HDAC9: variants seen among roughly 807,000 people sequenced by gnomAD.
The protein encoded by HDAC9 is histone deacetylase 9.
Under a neutral mutation model 139.4 loss-of-function variants are expected in HDAC9, and 41 were observed. The ratio of observed to expected loss-of-function variants is 0.29; its 90% CI spans 0.23 to 0.38. The LOEUF (loss-of-function observed/expected upper bound fraction) is 0.38, where lower values mean the gene tolerates loss of function less well. Ranked by LOEUF, HDAC9 falls within the 10% of genes least tolerant of loss-of-function variation. The pLI, the probability that HDAC9 is intolerant of heterozygous loss-of-function variation, is 1.00. For synonymous variants in HDAC9, 517 were observed against 476.2 expected (o/e 1.09, Z -1.12); for missense variants, 1,147 against 1,297.0 (o/e 0.88, Z 1.78).
At chr7:18,826,495 C>T (rs1359447495) in intron 17 of HDAC9, among the ~76,000 whole-genome samples, 3 of 151,904 alleles carry the variant, frequency 2.0e-5, no homozygotes, top group East Asian at 1.9e-4. Flanking sequence ...TTGATTTTGG[C>T]GAGAAGAAGA....
rs1343100320 is a variant in HDAC9 at position 18,478,332 on chromosome 7, A to G, written c.-41-17930A>G. 2.0e-5 allele frequency among the ~76,000 whole-genome samples: 3 copies of G among 152,274 alleles called. No homozygotes were observed. The East Asian group carries it at 5.8e-4, about 29-fold the overall frequency. The stretch of plus-strand genomic sequence containing the variant: ...GGGATCCGCCTGCCTCGGCCTCCCA[A>G]AGTGCTGGGATTACAGGCGTGAGCC... On this transcript the variant is annotated intron_variant, in intron 1 of 3. Transcript: ENST00000413509.
intron 1 of HDAC9, among the ~76,000 whole-genome samples, chr7:18,094,307 A>T (rs577514832): frequency 6.6e-6 from 1 of 152,306 alleles, no homozygotes; most frequent in South Asian, 2.1e-4. Flanking sequence ...TCTCTAAATA[A>T]ACTTAATTTC....
chr7:18,345,572 CAAAA>C (rs35183114), intron 1 of HDAC9, among the ~76,000 whole-genome samples: 1 of 123,410 alleles, frequency 8.1e-6, no homozygotes, highest in Non-Finnish European at 1.8e-5. Context: ...CAACAGAAGA[CAAAA>C]AAAAAAAAAA....
chr7:19,001,880 A>G lies in HDAC9; in HGVS notation c.*5818A>G, dbSNP rs1391581192. ...GGTGAGCAGGGCAGGCAGGAAACCA[A>G]TATTTAGTACTTTTGTGATTAAACA... On this transcript the variant is annotated 3_prime_UTR_variant, in exon 26 of 26. Transcript: ENST00000686413. 2 of 152,138 alleles carry G rather than the reference A, an allele frequency of 1.3e-5. No homozygotes were observed. The highest frequency in any genetic ancestry group is 4.8e-5 in the African/African-American group (2 of 41,456). The allele number at this position is 152,138 out of a possible 1,614,324, so 9.4% of individuals were successfully genotyped here.
chr7:18,950,322 A>G (rs1051322119), intron 23 of HDAC9, among the ~76,000 whole-genome samples: 4 of 152,226 alleles, frequency 2.6e-5, no homozygotes, highest in Middle Eastern at 3.4e-3. Context: ...AACCTTGCCA[A>G]TGCATAGGAG....
At chr7:18,618,259 T>C (rs1839215663) in intron 6 of HDAC9, among the ~76,000 whole-genome samples, 2 of 152,166 alleles carry the variant, frequency 1.3e-5, no homozygotes, top group Non-Finnish European at 2.9e-5. Context: ...ATTGTCCACA[T>C]TTGCAGGCAA....
At chr7:18,989,959 AT>A (rs1278405165) in intron 25 of HDAC9, among the ~76,000 whole-genome samples, 1 of 151,130 alleles carries the variant, frequency 6.6e-6, no homozygotes, top group Non-Finnish European at 1.5e-5. Context: ...ATTCTTCTAA[AT>A]TTTTTTCAAA....
intron 2 of HDAC9, among the ~76,000 whole-genome samples, chr7:18,268,463 C>A (rs1796133947): frequency 6.6e-6 from 1 of 150,564 alleles, no homozygotes; most frequent in Non-Finnish European, 1.5e-5. Context: ...TAAGAGTTTT[C>A]AAGTGCCAGA....
chr7:18,209,152 C>G (rs1351510346), intron 2 of HDAC9, among the ~76,000 whole-genome samples: 2 of 152,182 alleles, frequency 1.3e-5, no homozygotes, highest in Admixed American at 6.5e-5. Flanking sequence ...GGGCTAGTGA[C>G]TTTTCTGGTT....
chr7:18,758,646 A>G (rs1204436874), intron 14 of HDAC9, among the ~76,000 whole-genome samples: 2 of 152,202 alleles, frequency 1.3e-5, no homozygotes, highest in Non-Finnish European at 2.9e-5. Flanking sequence ...ACTCCAGGAG[A>G]TCCTATGTGT....
chr7:18,594,911 T>C (rs1376066550), intron 6 of HDAC9, among the ~76,000 whole-genome samples: 1 of 152,116 alleles, frequency 6.6e-6, no homozygotes, highest in Non-Finnish European at 1.5e-5. Flanking sequence ...TGTATTTGAC[T>C]CAGATCTACT....
chr7:18,380,454 G>A (rs1303485646), intron 1 of HDAC9, among the ~76,000 whole-genome samples: 1 of 152,182 alleles, frequency 6.6e-6, no homozygotes, highest in Non-Finnish European at 1.5e-5. Flanking sequence ...GGCAGAAAGA[G>A]ACCAAAGCAT....
At chr7:18,920,836 G>A (rs993207661) in intron 22 of HDAC9, among the ~76,000 whole-genome samples, 1 of 152,104 alleles carries the variant, frequency 6.6e-6, no homozygotes, top group African/African-American at 2.4e-5. Flanking sequence ...GTATACCAGG[G>A]ATGAAGCCCA....
At chr7:18,382,753 T>G (rs1463008006) in intron 1 of HDAC9, among the ~76,000 whole-genome samples, 1 of 152,224 alleles carries the variant, frequency 6.6e-6, no homozygotes, top group Non-Finnish European at 1.5e-5. Flanking sequence ...CATATAAAAG[T>G]AATAATTTTA....
chr7:18,886,282 C>T (rs1800144333), intron 22 of HDAC9, among the ~76,000 whole-genome samples: 1 of 152,156 alleles, frequency 6.6e-6, no homozygotes, highest in African/African-American at 2.4e-5. Context: ...TGTCATGAAA[C>T]AATCCTTAGG....
chr7:18,983,290 T>G (rs1054235545), intron 25 of HDAC9, among the ~76,000 whole-genome samples: 1 of 152,204 alleles, frequency 6.6e-6, no homozygotes, highest in Admixed American at 6.6e-5. Flanking sequence ...TCCTTCTTTT[T>G]TAAGGCTGAA....
intron 2 of HDAC9, among the ~76,000 whole-genome samples, chr7:18,214,451 T>C (rs919302976): frequency 3.3e-5 from 5 of 152,152 alleles, no homozygotes; most frequent in Non-Finnish European, 7.4e-5. Context: ...TCAGATTGTA[T>C]GTGAAAGAGT....
chr7:18,818,186 A>G (rs1483736632), intron 17 of HDAC9, among the ~76,000 whole-genome samples: 1 of 152,244 alleles, frequency 6.6e-6, no homozygotes, highest in East Asian at 1.9e-4. Context: ...TTTACTGAGC[A>G]TTGATACTTT....
At chr7:18,813,730 T>C (rs1183420182) in intron 17 of HDAC9, among the ~76,000 whole-genome samples, 1 of 152,202 alleles carries the variant, frequency 6.6e-6, no homozygotes, top group Non-Finnish European at 1.5e-5. Flanking sequence ...TCCAACTCTT[T>C]CTGAAAGCTT....
Sources: gnomAD v4.1 joint callset for allele counts (sites outside exome capture counted in the v4.1 genomes callset) on GRCh38, gnomAD v4.1.1 for gene constraint, MANE v1.5 for transcripts, NCBI Gene and HGNC (gene_info 2026-07-23, HGNC 2026-07-21) for gene names.